Variants in NOL8 observed in about 807,000 individuals in gnomAD.
NOL8 encodes nucleolar protein Nop132.
A neutral mutation model predicts 116.1 loss-of-function variants in NOL8; 93 were observed. The ratio of observed to expected loss-of-function variants is 0.80; its 90% confidence interval spans 0.68 to 0.95. NOL8 has a LOEUF of 0.95. Ranked by LOEUF, NOL8 falls within the 40% of genes least tolerant of loss-of-function variation. NOL8 has a pLI of 0.00. For missense variants in NOL8, 1,291 were observed against 1,382.8 expected, an observed-to-expected ratio of 0.93 and a Z score of 1.05; for synonymous variants, 419 against 469.0, an observed-to-expected ratio of 0.89 and a Z score of 1.38.
At position 92,300,209 on chromosome 9, in the gene NOL8, T is replaced by TA. The variant is rs1213287510; in HGVS notation, c.3176-194dup. ...TTTTTCAAATATTTTCAGAAGCCAC[T>TA]ATCATAATTTTGGCATTGCTAGAAT... On this transcript the variant is annotated intron_variant, in intron 13 of 16. Transcript: ENST00000442668. The TA allele has an allele frequency of 2.2e-5, 27 of 1,237,676 alleles. 1 individual carries two copies. The East Asian group carries it at 1.0e-3, about 47-fold the overall frequency. The allele number at this position is 1,237,676 out of a possible 1,614,324, so 76.7% of individuals were successfully genotyped here.
At chr9:92,308,036 G>C (rs946347210) in intron 10 of NOL8, among the ~76,000 whole-genome samples, 3 of 152,052 alleles carry the variant, frequency 2.0e-5, no homozygotes, top group Non-Finnish European at 2.9e-5. Flanking sequence ...GCTGAAAAAG[G>C]CTCAAGGTGA....
chr9:92,311,295 G>T, intron 7 of NOL8, 36 bp from the exon 8 acceptor site: 1 of 1,489,356 alleles, frequency 6.7e-7, no homozygotes. Flanking sequence ...ATCTTAAAAA[G>T]ATTTATGATG....
intron 10 of NOL8, among the ~76,000 whole-genome samples, chr9:92,308,702 G>A (rs1423353940): frequency 2.0e-5 from 3 of 152,200 alleles, no homozygotes; most frequent in Non-Finnish European, 4.4e-5. Flanking sequence ...AGGAAGTTAT[G>A]ATGCAATTGG....
At chr9:92,313,032 T>C (rs1195858385) in intron 7 of NOL8, among the ~76,000 whole-genome samples, 3 of 151,412 alleles carry the variant, frequency 2.0e-5, no homozygotes, top group Non-Finnish European at 4.4e-5. Flanking sequence ...AAACTGAACA[T>C]GTCTAAACCT....
chr9:92,323,906 C>T, intron 2 of NOL8, 117 bp downstream of exon 2: 1 of 1,145,704 alleles, frequency 8.7e-7, no homozygotes. Context: ...ACCTCCACAA[C>T]ATCACTTAAA....
chr9:92,308,978 C>T (rs554006302), intron 10 of NOL8: 1 of 152,298 alleles, frequency 6.6e-6, no homozygotes, highest in East Asian at 1.9e-4. Flanking sequence ...GTGAGAAAGT[C>T]AAGTAGAATA....
At position 92,315,121 on chromosome 9, in the gene NOL8, G is replaced by C; in HGVS notation, c.1504C>G (p.Pro502Ala). Residue 502 changes from proline (P) to alanine (A), a missense_variant, in exon 7 of 17, where the codon CCA (proline) becomes GCA (alanine). Transcript: ENST00000442668. ...EQLAGSDLKV[P>A]NEDTKSDGPE... ...CCATCACTCTTAGTATCTTCATTTG[G>C]AACCTTCAGATCACTGCCAGCCAAT... 6.2e-7 allele frequency: 1 copy of C among 1,613,932 alleles called. No homozygotes were observed. Among genetic ancestry groups the C allele is most frequent in the Non-Finnish European group, 8.5e-7 (1 of 1,179,890 alleles).
chr9:92,305,623 T>C, intron 12 of NOL8, 130 bp downstream of exon 12: 1 of 687,556 alleles, frequency 1.5e-6, no homozygotes, highest in Non-Finnish European at 2.6e-6. Flanking sequence ...CTACCTGCAC[T>C]ACCCCTACCC....
intron 12 of NOL8, among the ~76,000 whole-genome samples, chr9:92,302,181 A>G (rs554793037): frequency 6.6e-6 from 1 of 152,324 alleles, no homozygotes; most frequent in African/African-American, 2.4e-5. Flanking sequence ...AGGCAAAATG[A>G]AAACTGTAAG....
chr9:92,301,734 T>C lies in NOL8; in HGVS notation c.2992A>G (p.Lys998Glu). ...EMYYNIAMDL[K>E]EIFQTTKYTS... Reference sequence around the variant, plus strand: ...TATTTTGTAGTTTGGAATATTTCTTTCAGATCCATAGCAATATTATAATAC... The same window carrying C: ...TATTTTGTAGTTTGGAATATTTCTTCCAGATCCATAGCAATATTATAATAC... The change falls in exon 13 of 17, where the codon AAA becomes GAA. Residue 998 changes from lysine (K) to glutamate (E), a missense_variant. Lys to Glu is a moderately conservative substitution (Grantham distance 56). Transcript: ENST00000442668. 1 of 1,607,622 alleles carries C rather than the reference T, an allele frequency of 6.2e-7. No homozygotes were observed. The highest frequency in any genetic ancestry group is 8.5e-7 in the Non-Finnish European group (1 of 1,177,584).
intron 15 of NOL8, 93 bp from the exon 16 acceptor site, chr9:92,298,429 A>G (rs779016217): frequency 2.7e-5 from 19 of 694,130 alleles, no homozygotes; most frequent in Non-Finnish European, 4.1e-5. Flanking sequence ...CTCGAATACC[A>G]GTTAAGATCA....
chr9:92,315,739 T>G lies in NOL8; in HGVS notation c.886A>C (p.Ser296Arg). Residue 296 changes from serine (S) to arginine (R), a missense_variant, in exon 7 of 17, where the codon AGC (serine) becomes CGC (arginine). By Grantham distance (110) the Ser-to-Arg change is moderately radical. Transcript: ENST00000442668. ...GAATCAGTATCATCATCAGAAATGC[T>G]GTTTCTCTTCTTGGCAGTTTCCAAG... Reference protein sequence around the residue: ...SGLETAKKRNSISDDDTDSED... With the variant: ...SGLETAKKRNRISDDDTDSED... 2 of 1,613,444 alleles carry G rather than the reference T, an allele frequency of 1.2e-6. No individual in the cohort carries two copies. Among genetic ancestry groups the G allele is most frequent in the Non-Finnish European group, 1.7e-6 (2 of 1,179,598 alleles).
chr9:92,314,594 T>C lies in NOL8; in HGVS notation c.2031A>G (p.Glu677=), dbSNP rs1382321905. ...RSKNPISRPL[E]GKKSLSLSAK... ...CACTAAGACTTAAGGACTTCTTACC[T>C]TCTAATGGCCTAGAAATAGGATTCT... Residue 677 remains glutamate, a synonymous_variant, in exon 7 of 17, where the codon GAA becomes GAG. Transcript: ENST00000442668. 3.1e-6 allele frequency: 5 copies of C among 1,612,724 alleles called. No individual in the cohort carries two copies. Among genetic ancestry groups the C allele is most frequent in the Non-Finnish European group, 4.2e-6 (5 of 1,179,300 alleles).
chr9:92,314,193 C>T (rs1375533083), intron 7 of NOL8, 74 bp downstream of exon 7: 1 of 1,488,262 alleles, frequency 6.7e-7, no homozygotes, highest in African/African-American at 1.4e-5. Context: ...TATGGGGGCA[C>T]ACCTAACTTC....
intron 10 of NOL8, 132 bp downstream of exon 10, chr9:92,310,039 T>C (rs549962546): frequency 4.7e-6 from 3 of 644,334 alleles, no homozygotes; most frequent in Non-Finnish European, 8.0e-6. Context: ...AACTGTACAT[T>C]TGATTATAAA....
chr9:92,299,998 G>T lies in NOL8; in HGVS notation c.3194C>A (p.Thr1065Lys). 1.2e-6 allele frequency: 2 copies of T among 1,613,336 alleles called. No homozygotes were observed. The highest frequency in any genetic ancestry group is 1.7e-6 in the Non-Finnish European group (2 of 1,179,516). The change falls in exon 14 of 17, where the codon ACA becomes AAA. Residue 1065 changes from threonine (T) to lysine (K), a missense_variant. By Grantham distance (78) the Thr-to-Lys change is moderately conservative. Coordinates refer to ENST00000442668, the MANE Select transcript of NOL8 (RefSeq NM_017948.6). ...DIKEETYRVETVKPGKIVWQE... is the reference protein window; with the variant it reads ...DIKEETYRVEKVKPGKIVWQE... The stretch of plus-strand genomic sequence containing the variant: ...CCAGACAATCTTTCCAGGTTTCACT[G>T]TTTCAACTCTGTAGGTCTCTATATC...
intron 12 of NOL8, among the ~76,000 whole-genome samples, chr9:92,304,145 G>A (rs2134093738): frequency 6.6e-6 from 1 of 152,314 alleles, no homozygotes; most frequent in South Asian, 2.1e-4. Flanking sequence ...GTAAACCTGT[G>A]CCAGCACTTA....
chr9:92,314,488 C>CA lies in NOL8; in HGVS notation c.2136dup (p.Asp713Ter). On this transcript the variant is annotated frameshift_variant, in exon 7 of 17. Coordinates refer to ENST00000442668, the MANE Select transcript of NOL8 (RefSeq NM_017948.6). LOFTEE classifies it high-confidence loss of function. ...TTGAGAGATGTGAGGCCGCTTGAATCAGACCGCTCTTCCTGTGAAGCTTCT... is the reference window on the plus strand; with the variant it reads ...TTGAGAGATGTGAGGCCGCTTGAATCAAGACCGCTCTTCCTGTGAAGCTTCT... 2.5e-6 allele frequency: 4 copies of CA among 1,613,356 alleles called. No individual in the cohort carries two copies. The highest frequency in any genetic ancestry group is 3.4e-6 in the Non-Finnish European group (4 of 1,179,404).
chr9:92,304,566 T>C, intron 12 of NOL8, among the ~76,000 whole-genome samples: 1 of 152,184 alleles, frequency 6.6e-6, no homozygotes, highest in East Asian at 1.9e-4. Context: ...ATTTGTTCAA[T>C]ACGGATTATC....
Sources: allele counts gnomAD v4.1 joint callset (sites outside exome capture counted in the v4.1 genomes callset), GRCh38; gene constraint gnomAD v4.1.1; transcripts MANE v1.5; gene names NCBI Gene and HGNC (gene_info 2026-07-23, HGNC 2026-07-21).